SUSD4: variants seen among roughly 807,000 people sequenced by gnomAD.
SUSD4 encodes sushi domain-containing protein 4.
Under a neutral mutation model 50.5 loss-of-function variants are expected in SUSD4, and 41 were observed. The observed-to-expected ratio is 0.81, with a 90% CI of 0.63 to 1.05. The LOEUF (loss-of-function observed/expected upper bound fraction) is 1.05. Ranked by LOEUF, SUSD4 falls within the 50% of genes least tolerant of loss-of-function variation. The probability of loss-of-function intolerance (pLI) is 0.00; values close to 1 mark genes in which losing one functional copy is unlikely to be tolerated. For synonymous variants in SUSD4, 257 were observed against 257.3 expected (o/e 1.00, Z 0.01); for missense variants, 580 against 634.7 (o/e 0.91, Z 0.93).
chr1:223,270,840 G>T (rs61837633), intron 3 of SUSD4, among the ~76,000 whole-genome samples: 50,421 of 151,838 alleles, frequency 0.33, 8,746 homozygotes, highest in Non-Finnish European at 0.4. Flanking sequence ...GGATTACAGG[G>T]GTAAGCCACC....
intron 2 of SUSD4, among the ~76,000 whole-genome samples, chr1:223,355,423 TGCCCAG>T (rs1668607656): frequency 6.6e-6 from 1 of 152,146 alleles, no homozygotes; most frequent in Admixed American, 6.5e-5. Flanking sequence ...TTTTGCATGT[TGCCCAG>T]GCTGGTCTTG....
chr1:223,245,003 C>T (rs1449487105), intron 5 of SUSD4, among the ~76,000 whole-genome samples: 2 of 152,062 alleles, frequency 1.3e-5, no homozygotes, highest in South Asian at 4.2e-4. Flanking sequence ...TCTAGAACAG[C>T]CCTATTCACA....
At chr1:223,356,396 A>C (rs1668668404) in intron 2 of SUSD4, among the ~76,000 whole-genome samples, 1 of 151,914 alleles carries the variant, frequency 6.6e-6, no homozygotes, top group Admixed American at 6.6e-5. Flanking sequence ...CACATTCACA[A>C]ATCTCAGATT....
chr1:223,243,279 GC>G (rs1384366846), intron 5 of SUSD4, among the ~76,000 whole-genome samples: 1 of 152,204 alleles, frequency 6.6e-6, no homozygotes, highest in Non-Finnish European at 1.5e-5. Context: ...GGGCTGGGCT[GC>G]CCGCCTTGCC....
intron 3 of SUSD4, among the ~76,000 whole-genome samples, chr1:223,285,689 A>G (rs1664090093): frequency 6.6e-6 from 1 of 152,232 alleles, no homozygotes; most frequent in African/African-American, 2.4e-5. Flanking sequence ...TGTCCTTTGC[A>G]GCAATATGGA....
intron 2 of SUSD4, among the ~76,000 whole-genome samples, chr1:223,306,264 T>G (rs1052348941): frequency 1.3e-5 from 2 of 152,218 alleles, no homozygotes; most frequent in Non-Finnish European, 2.9e-5. Context: ...CTCATGAAAC[T>G]GCTCTATAAA....
chr1:223,283,995 A>G (rs1256409009), intron 3 of SUSD4, among the ~76,000 whole-genome samples: 1 of 151,444 alleles, frequency 6.6e-6, no homozygotes, highest in African/African-American at 2.4e-5. Flanking sequence ...ATAACCAAAC[A>G]CCGCATATTC....
intron 4 of SUSD4, among the ~76,000 whole-genome samples, chr1:223,266,090 A>G (rs1662471635): frequency 6.6e-6 from 1 of 152,174 alleles, no homozygotes; most frequent in Non-Finnish European, 1.5e-5. Flanking sequence ...TGAGGCACTC[A>G]CTGTCGTGGT....
At chr1:223,296,192 T>C (rs1664813047) in intron 2 of SUSD4, among the ~76,000 whole-genome samples, 1 of 152,030 alleles carries the variant, frequency 6.6e-6, no homozygotes, top group South Asian at 2.1e-4. Flanking sequence ...GACAGTGGAA[T>C]GGAGAGGGCT....
At chr1:223,301,730 C>CA (rs1558230805) in intron 2 of SUSD4, among the ~76,000 whole-genome samples, 1 of 152,086 alleles carries the variant, frequency 6.6e-6, no homozygotes, top group African/African-American at 2.4e-5. Flanking sequence ...GGAAAAACTT[C>CA]AAAAAACCTT....
At chr1:223,360,161 G>A in intron 2 of SUSD4, 1 of 469,584 alleles carries the variant, frequency 2.1e-6, no homozygotes, top group South Asian at 1.6e-5. Flanking sequence ...GGCAGAGCCT[G>A]ATTGAGTTAT....
intron 3 of SUSD4, among the ~76,000 whole-genome samples, chr1:223,282,460 G>A (rs1417247586): frequency 6.6e-6 from 1 of 152,094 alleles, no homozygotes; most frequent in African/African-American, 2.4e-5. Context: ...CAAACAGAGA[G>A]CCATATCATG....
In SUSD4 at chr1:223,310,259, T is replaced by A. The variant is rs532943550; in HGVS notation, c.149-17608A>T. Among the ~76,000 whole-genome samples the A allele has an allele frequency of 1.3e-3, 199 of 152,270 alleles. 1 individual carries two copies. The highest frequency in any genetic ancestry group is 4.5e-3 in the African/African-American group (185 of 41,542). ...TCTTATATAAGCACAGCTGTGATGC[T>A]ATGACCTTGGGCTGCAGCAAGGATG... On this transcript the variant is annotated intron_variant, in intron 2 of 8. Coordinates refer to ENST00000366878, the MANE Select transcript of SUSD4 (RefSeq NM_017982.4).
intron 3 of SUSD4, among the ~76,000 whole-genome samples, chr1:223,282,802 A>G (rs1663841452): frequency 6.6e-6 from 1 of 152,234 alleles, no homozygotes; most frequent in Admixed American, 6.5e-5. Context: ...AGCCAAAAGA[A>G]CAAAGCTGGA....
At chr1:223,355,031 C>T (rs1668579287) in intron 2 of SUSD4, among the ~76,000 whole-genome samples, 1 of 151,832 alleles carries the variant, frequency 6.6e-6, no homozygotes, top group Non-Finnish European at 1.5e-5. Context: ...GATTTCAGCT[C>T]ACTGCACTTC....
chr1:223,252,359 G>A lies in SUSD4; in HGVS notation c.724+12271C>T, dbSNP rs571699033. Reference sequence around the variant, plus strand: ...ACCGAGGCAGAGGCTGGAATGAAGCGGCGACAAGCCATCGAACGCCAAGGA... The same window carrying A: ...ACCGAGGCAGAGGCTGGAATGAAGCAGCGACAAGCCATCGAACGCCAAGGA... On this transcript the variant is annotated intron_variant, in intron 5 of 8. Transcript: ENST00000366878. 3.9e-5 allele frequency among the ~76,000 whole-genome samples: 6 copies of A among 151,904 alleles called. No individual in the cohort carries two copies. In the East Asian group the frequency reaches 7.8e-4, roughly 20 times the overall value.
rs1669179741 is a variant in SUSD4 at position 223,364,168 on chromosome 1, G to T, written c.-147C>A. 1 of 151,872 alleles carries T rather than the reference G, an allele frequency of 6.6e-6. No homozygotes were observed. The highest frequency in any genetic ancestry group is 1.5e-5 in the Non-Finnish European group (1 of 67,826). The allele number at this position is 151,872 out of a possible 1,614,324, so 9.4% of individuals were successfully genotyped here. A position where few individuals can be genotyped will look rare whatever the true frequency, so the allele number is the denominator to read the frequency against. On this transcript the variant is annotated 5_prime_UTR_variant, in exon 1 of 9. Transcript: ENST00000366878. This position sits in a 1 kb window ranked among gnomAD's most constrained non-coding sequence, Gnocchi z 4.5. ...CCGCCGCTGCGCGAGCGAGCGAGACGGAAGCTTCGGCGGCGGCGCTCGGCT... is the reference window on the plus strand; with the variant it reads ...CCGCCGCTGCGCGAGCGAGCGAGACTGAAGCTTCGGCGGCGGCGCTCGGCT...
rs543662380 is a variant in SUSD4, at chr1:223,312,325, A to G, written c.149-19674T>C. On this transcript the variant is annotated intron_variant, in intron 2 of 8. Transcript: ENST00000366878. The stretch of plus-strand genomic sequence containing the variant: ...GGGCAAATAGGACAGGCTGGGAACT[A>G]AAAGCTATCTAGGCCTCAACTCTGC... Among the ~76,000 whole-genome samples, 12 of 152,292 alleles carry G rather than the reference A, an allele frequency of 7.9e-5. 1 individual carries two copies. Among genetic ancestry groups the G allele is most frequent in the African/African-American group, 2.9e-4 (12 of 41,548 alleles).
chr1:223,240,414 A>G (rs1252383557), intron 5 of SUSD4, among the ~76,000 whole-genome samples: 1 of 151,730 alleles, frequency 6.6e-6, no homozygotes, highest in Non-Finnish European at 1.5e-5. Context: ...TCTTTCTGGT[A>G]TCTCCATTAC....
Sources: gnomAD v4.1 joint callset for allele counts (sites outside exome capture counted in the v4.1 genomes callset) on GRCh38, gnomAD v4.1.1 for gene constraint, Gnocchi (gnomAD v3.1) non-coding constraint, MANE v1.5 for transcripts, NCBI Gene and HGNC (gene_info 2026-07-23, HGNC 2026-07-21) for gene names.